RCL1: variants seen among roughly 807,000 people sequenced by gnomAD.
RCL1 encodes RNA 3'-terminal phosphate cyclase-like protein.
Under a neutral mutation model 42.4 loss-of-function variants are expected in RCL1, and 24 were observed. The observed-to-expected ratio is 0.57, with a 90% confidence interval of 0.41 to 0.80. The LOEUF is 0.80. Among genes scored for constraint, RCL1 ranks in the 30% least tolerant of loss-of-function variants. RCL1 has a pLI of 0.00. For synonymous variants in RCL1, 228 were observed against 177.3 expected, an observed-to-expected ratio of 1.29 and a Z score of -2.27; for missense variants, 578 against 467.9, an observed-to-expected ratio of 1.24 and a Z score of -2.17.
intron 1 of RCL1, among the ~76,000 whole-genome samples, chr9:4,812,757 C>G (rs889156543): frequency 6.6e-6 from 1 of 151,610 alleles, no homozygotes; most frequent in Non-Finnish European, 1.5e-5. Context: ...TGTGTGTGTC[C>G]TAAAGTTTTC....
At chr9:4,797,351 T>G (rs969654738) in intron 1 of RCL1, among the ~76,000 whole-genome samples, 2 of 152,190 alleles carry the variant, frequency 1.3e-5, no homozygotes, top group African/African-American at 2.4e-5. Flanking sequence ...CCGTTCCTGC[T>G]TCTATATGGA....
At chr9:4,846,193 G>C (rs1364599899) in intron 7 of RCL1, among the ~76,000 whole-genome samples, 1 of 152,200 alleles carries the variant, frequency 6.6e-6, no homozygotes, top group African/African-American at 2.4e-5. Context: ...GAACACATGA[G>C]AATGAGCTGT....
intron 1 of RCL1, among the ~76,000 whole-genome samples, chr9:4,814,516 C>T (rs80319152): frequency 0.044 from 6,726 of 152,254 alleles, 237 homozygotes; most frequent in East Asian, 0.09. Flanking sequence ...ATCCTCCTGC[C>T]TTGGCTTCCC....
In RCL1 at chr9:4,860,409, A is replaced by C. The variant is rs567128800; in HGVS notation, c.*134A>C. 6.8e-5 allele frequency: 65 copies of C among 955,132 alleles called. No individual in the cohort carries two copies. Among genetic ancestry groups the C allele is most frequent in the Non-Finnish European group, 9.5e-5 (63 of 662,408 alleles). 59.2% of individuals were successfully genotyped at this position (955,132 alleles called of 1,614,324 possible). A position where few individuals can be genotyped will look rare whatever the true frequency, so the allele number is the denominator to read the frequency against. Reference sequence around the variant, plus strand: ...CTTAATTTTCTGTGAAGAAATATCAATATACAAATAAAAGACATCCCTGTA... The same window carrying C: ...CTTAATTTTCTGTGAAGAAATATCACTATACAAATAAAAGACATCCCTGTA... On this transcript the variant is annotated 3_prime_UTR_variant, in exon 9 of 9. Coordinates refer to ENST00000381750, the MANE Select transcript of RCL1 (RefSeq NM_005772.5).
At chr9:4,807,471 C>T (rs117857686) in intron 1 of RCL1, among the ~76,000 whole-genome samples, 2,253 of 152,208 alleles carry the variant, frequency 0.015, 32 homozygotes, top group Non-Finnish European at 0.023. Flanking sequence ...TTTAGGTCAA[C>T]GTAATTTTTA....
chr9:4,813,955 G>A (rs576733206), intron 1 of RCL1, among the ~76,000 whole-genome samples: 3 of 152,204 alleles, frequency 2.0e-5, no homozygotes, highest in South Asian at 4.1e-4. Context: ...ACCAAACACT[G>A]CATGTTCTCA....
chr9:4,797,893 C>G (rs887841580), intron 1 of RCL1, among the ~76,000 whole-genome samples: 5 of 152,116 alleles, frequency 3.3e-5, no homozygotes, highest in Non-Finnish European at 5.9e-5. Flanking sequence ...AGGATGGTCC[C>G]GGGCTGGTGA....
At chr9:4,806,175 G>A (rs1181986871) in intron 1 of RCL1, among the ~76,000 whole-genome samples, 1 of 151,512 alleles carries the variant, frequency 6.6e-6, no homozygotes, top group African/African-American at 2.4e-5. Context: ...TGGTCATGTT[G>A]TCTACAAATA....
At chr9:4,802,066 G>A (rs190381514) in intron 1 of RCL1, among the ~76,000 whole-genome samples, 3 of 146,316 alleles carry the variant, frequency 2.1e-5, no homozygotes, top group African/African-American at 5.0e-5. Flanking sequence ...GTGCCACCAC[G>A]CCTGGCTATT....
At position 4,855,318 on chromosome 9, in the gene RCL1, G is replaced by T. The variant is rs969074784; in HGVS notation, c.972-4807G>T. 3.3e-5 allele frequency among the ~76,000 whole-genome samples: 5 copies of T among 151,318 alleles called. No individual in the cohort carries two copies. The East Asian group carries it at 7.8e-4, about 24-fold the overall frequency. ...AAAAGCTGCTATTTGCGCTGTGTGG[G>T]TGGTTACTCATTGAGGGGCAGAGCT... is the stretch of plus-strand genomic sequence containing the variant. On this transcript the variant is annotated intron_variant, in intron 8 of 8. Transcript: ENST00000381750.
At chr9:4,854,420 A>T (rs982802374) in intron 8 of RCL1, among the ~76,000 whole-genome samples, 4 of 152,142 alleles carry the variant, frequency 2.6e-5, no homozygotes, top group Non-Finnish European at 4.4e-5. Context: ...CTTTTCCCTC[A>T]ACTTCCAGAG....
intron 1 of RCL1, among the ~76,000 whole-genome samples, chr9:4,818,437 A>G (rs988295677): frequency 9.9e-5 from 15 of 152,200 alleles, no homozygotes; most frequent in African/African-American, 3.6e-4. Flanking sequence ...AAATAAACAT[A>G]CATATTTGCA....
intron 3 of RCL1, among the ~76,000 whole-genome samples, chr9:4,832,064 A>G (rs569591135): frequency 2.0e-5 from 3 of 152,282 alleles, no homozygotes; most frequent in South Asian, 4.1e-4. Flanking sequence ...TTTCTTTCCC[A>G]TGTAGCAGTT....
At chr9:4,850,491 T>TTG (rs1554642527) in intron 8 of RCL1, 1 of 146,422 alleles carries the variant, frequency 6.8e-6, no homozygotes, top group African/African-American at 3.4e-5. Context: ...GCTTTTTTTT[T>TTG]TCTTTTTTTT....
rs374683358 is a variant in RCL1 at position 4,860,271 on chromosome 9, A to C, written c.1118A>C (p.Lys373Thr). 8 of 1,612,474 alleles carry C rather than the reference A, an allele frequency of 5.0e-6. No homozygotes were observed. Among genetic ancestry groups the C allele is most frequent in the Non-Finnish European group, 6.8e-6 (8 of 1,179,520 alleles). ...IGFSNLSKTL[K>T] ...TTCTCCAACCTTAGCAAGACCCTCA[A>C]GTGATAACCATCACAAGATAAGGCC... The change falls in exon 9 of 9, where the codon AAG becomes ACG. Residue 373 changes from lysine (K) to threonine (T), a missense_variant. Physicochemically the swap from Lys to Thr is moderately conservative, Grantham distance 78. Transcript: ENST00000381750.
At chr9:4,816,676 T>G (rs1361852875) in intron 1 of RCL1, among the ~76,000 whole-genome samples, 1 of 152,226 alleles carries the variant, frequency 6.6e-6, no homozygotes, top group Non-Finnish European at 1.5e-5. Flanking sequence ...TAACATACTT[T>G]CTGAGATGTT....
At chr9:4,801,322 C>G (rs1476866348) in intron 1 of RCL1, among the ~76,000 whole-genome samples, 1 of 152,142 alleles carries the variant, frequency 6.6e-6, no homozygotes, top group Non-Finnish European at 1.5e-5. Context: ...CAGGCACATA[C>G]CATCATGCCC....
At chr9:4,814,729 C>A (rs982597280) in intron 1 of RCL1, among the ~76,000 whole-genome samples, 3 of 151,942 alleles carry the variant, frequency 2.0e-5, no homozygotes, top group Non-Finnish European at 4.4e-5. Context: ...TTTATACTTT[C>A]ATGTTTTTTC....
chr9:4,841,004 A>G (rs558032464), intron 5 of RCL1, among the ~76,000 whole-genome samples: 2 of 152,246 alleles, frequency 1.3e-5, no homozygotes, highest in South Asian at 4.1e-4. Context: ...GAGGACCTCC[A>G]GCTTTATACT....
Sources: gnomAD v4.1 joint callset for allele counts (sites outside exome capture counted in the v4.1 genomes callset) on GRCh38, gnomAD v4.1.1 for gene constraint, MANE v1.5 for transcripts, NCBI Gene and HGNC (gene_info 2026-07-23, HGNC 2026-07-21) for gene names.